PACSIN2: variants seen among roughly 807,000 people sequenced by gnomAD.
PACSIN2 encodes the protein protein kinase C and casein kinase substrate in neurons 2.
PACSIN2 carries 25 observed loss-of-function variants against 63.8 expected under a neutral mutation model. That is an observed-to-expected ratio of 0.39 (90% CI 0.29 to 0.55). PACSIN2 has a LOEUF of 0.55. PACSIN2 is among the 20% of genes least tolerant of loss of function. The pLI, the probability that PACSIN2 is intolerant of heterozygous loss-of-function variation, is 0.62. For synonymous variants in PACSIN2, 255 were observed against 256.2 expected (o/e 1.00, Z 0.05); for missense variants, 518 against 646.9 (o/e 0.80, Z 2.16).
chr22:42,957,584 TGTGA>T (rs1933965804), intron 1 of PACSIN2, among the ~76,000 whole-genome samples: 1 of 152,206 alleles, frequency 6.6e-6, no homozygotes, highest in Non-Finnish European at 1.5e-5. Context: ...TCTGGAAAAT[TGTGA>T]GTAAATTCCA....
intron 1 of PACSIN2, among the ~76,000 whole-genome samples, chr22:42,977,440 C>T (rs1361441839): frequency 6.6e-6 from 1 of 152,168 alleles, no homozygotes; most frequent in African/African-American, 2.4e-5. Context: ...CACCAGTACT[C>T]AGGAAAACAC....
At chr22:42,911,212 C>T (rs770860591) in intron 2 of PACSIN2, among the ~76,000 whole-genome samples, 1 of 151,872 alleles carries the variant, frequency 6.6e-6, no homozygotes, top group African/African-American at 2.4e-5. Flanking sequence ...CCATGCAAAG[C>T]CTCTTTCCAT....
At chr22:42,956,702 C>T (rs1205056948) in intron 1 of PACSIN2, among the ~76,000 whole-genome samples, 3 of 152,026 alleles carry the variant, frequency 2.0e-5, no homozygotes, top group East Asian at 1.9e-4. Flanking sequence ...ATGAAAAAGG[C>T]CCAAACACCA....
intron 1 of PACSIN2, among the ~76,000 whole-genome samples, chr22:42,954,816 T>C (rs1933846366): frequency 6.6e-6 from 1 of 152,044 alleles, no homozygotes; most frequent in Non-Finnish European, 1.5e-5. Flanking sequence ...GGGCAGGGAT[T>C]CAAAGTCTCA....
chr22:42,875,503 G>A (rs1367816940), intron 10 of PACSIN2, among the ~76,000 whole-genome samples: 1 of 151,906 alleles, frequency 6.6e-6, no homozygotes. Context: ...CCAGAGAGCT[G>A]GGACTACAGG....
At chr22:42,967,192 G>A (rs1920970491) in intron 1 of PACSIN2, among the ~76,000 whole-genome samples, 1 of 152,066 alleles carries the variant, frequency 6.6e-6, no homozygotes, top group Non-Finnish European at 1.5e-5. Context: ...AGGAAGGCTG[G>A]ACTCTGAGCT....
chr22:42,978,435 G>A (rs564470465), intron 1 of PACSIN2, among the ~76,000 whole-genome samples: 7 of 152,236 alleles, frequency 4.6e-5, no homozygotes, highest in South Asian at 4.1e-4. Flanking sequence ...TCGTTTACAC[G>A]CAACACAAGA....
At chr22:42,932,891 C>A (rs935183347) in intron 1 of PACSIN2, among the ~76,000 whole-genome samples, 4 of 152,196 alleles carry the variant, frequency 2.6e-5, no homozygotes, top group Non-Finnish European at 5.9e-5. Flanking sequence ...GAAGTCCACA[C>A]TTTCCACACT....
intron 2 of PACSIN2, among the ~76,000 whole-genome samples, chr22:42,906,017 AGCCAAGCAACACCT>A (rs1431613989): frequency 1.3e-5 from 2 of 152,230 alleles, no homozygotes; most frequent in Non-Finnish European, 1.5e-5. Context: ...TGGCAACACC[AGCCAAGCAACACCT>A]GCCAAGCTAG....
chr22:42,970,278 T>C (rs936364827), intron 1 of PACSIN2, among the ~76,000 whole-genome samples: 1 of 152,218 alleles, frequency 6.6e-6, no homozygotes, highest in African/African-American at 2.4e-5. Context: ...CCTGAGATGA[T>C]GTAATGAAAA....
intron 1 of PACSIN2, among the ~76,000 whole-genome samples, chr22:42,928,910 A>G (rs1932700199): frequency 1.3e-5 from 2 of 152,250 alleles, no homozygotes; most frequent in South Asian, 4.1e-4. Flanking sequence ...CAAGTCCCTT[A>G]TCTTCTCAGC....
At chr22:42,966,299 G>A (rs1920955140) in intron 1 of PACSIN2, among the ~76,000 whole-genome samples, 1 of 152,214 alleles carries the variant, frequency 6.6e-6, no homozygotes, top group African/African-American at 2.4e-5. Context: ...GAACCTGGGA[G>A]GCGGAGGTTG....
intron 8 of PACSIN2, among the ~76,000 whole-genome samples, chr22:42,877,305 C>G (rs1928717081): frequency 6.6e-6 from 1 of 152,144 alleles, no homozygotes; most frequent in Non-Finnish European, 1.5e-5. Context: ...CAAGCCACAG[C>G]TGGAGCAAAA....
intron 1 of PACSIN2, among the ~76,000 whole-genome samples, chr22:42,983,331 A>AAG (rs1021267364): frequency 1.3e-5 from 2 of 150,382 alleles, no homozygotes; most frequent in African/African-American, 4.9e-5. Context: ...AAAAAAAAAA[A>AAG]AAAAAGAAAC....
intron 1 of PACSIN2, among the ~76,000 whole-genome samples, chr22:42,983,250 G>T (rs1047980683): frequency 2.0e-5 from 3 of 151,114 alleles, no homozygotes; most frequent in Non-Finnish European, 4.4e-5. Context: ...CCAGGAGGTG[G>T]AGGCTGCAGT....
chr22:42,884,287 A>T, intron 6 of PACSIN2, 99 bp downstream of exon 6: 2 of 1,117,136 alleles, frequency 1.8e-6, no homozygotes, highest in Admixed American at 4.2e-5. Flanking sequence ...CTCCTGATGA[A>T]CGCGCCATCC....
intron 1 of PACSIN2, among the ~76,000 whole-genome samples, chr22:42,912,426 G>A (rs1253673080): frequency 1.3e-5 from 2 of 152,164 alleles, no homozygotes; most frequent in African/African-American, 2.4e-5. Flanking sequence ...TGCCCATCCC[G>A]ACCTACTCTA....
At chr22:42,982,891 C>CAAA (rs1227335781) in intron 1 of PACSIN2, among the ~76,000 whole-genome samples, 6 of 82,724 alleles carry the variant, frequency 7.3e-5, no homozygotes, top group Non-Finnish European at 1.4e-4. Flanking sequence ...AAAAAAAAAA[C>CAAA]AACAACAAGG....
chr22:42,959,418 C>T (rs1934045958), intron 1 of PACSIN2, among the ~76,000 whole-genome samples: 1 of 152,196 alleles, frequency 6.6e-6, no homozygotes, highest in African/African-American at 2.4e-5. Context: ...ATGTCAGCTA[C>T]TCTAAAACAT....
Sources: gnomAD v4.1 joint callset for allele counts (sites outside exome capture counted in the v4.1 genomes callset) on GRCh38, gnomAD v4.1.1 for gene constraint, MANE v1.5 for transcripts, NCBI Gene and HGNC (gene_info 2026-07-23, HGNC 2026-07-21) for gene names.